PDE7B: variants seen among roughly 807,000 people sequenced by gnomAD.
PDE7B encodes the protein phosphodiesterase 7B.
Under a neutral mutation model 56.2 loss-of-function variants are expected in PDE7B, and 29 were observed. That is an observed-to-expected ratio of 0.52 (90% confidence interval 0.38 to 0.70). PDE7B has a LOEUF of 0.70. Among genes scored for constraint, PDE7B ranks in the 30% least tolerant of loss-of-function variants. The pLI is 0.00. For synonymous variants in PDE7B, 197 were observed against 196.9 expected (o/e 1.00, Z 0.00); for missense variants, 490 against 565.0 (o/e 0.87, Z 1.35).
Position 136,111,587 on chromosome 6 carries a change from G to A in PDE7B, c.166+2773G>A, listed in dbSNP as rs567092487. On this transcript the variant is annotated intron_variant, in intron 3 of 12. Coordinates refer to ENST00000308191, the MANE Select transcript of PDE7B (RefSeq NM_018945.4). ...TGTATGAACATCTGTGTTATGCACA[G>A]TCACATAAGGTATATATGGCATATC... 5.3e-5 allele frequency among the ~76,000 whole-genome samples: 8 copies of A among 152,308 alleles called. No homozygotes were observed. In the South Asian group the frequency reaches 1.7e-3, roughly 32 times the overall value.
chr6:136,139,570 G>A (rs1778280660), intron 3 of PDE7B, among the ~76,000 whole-genome samples: 1 of 152,126 alleles, frequency 6.6e-6, no homozygotes, highest in Non-Finnish European at 1.5e-5. Context: ...GGTTGAACTA[G>A]TTTACAGTCC....
intron 2 of PDE7B, among the ~76,000 whole-genome samples, chr6:135,961,369 T>C (rs1264985862): frequency 4.0e-5 from 6 of 148,624 alleles, no homozygotes; most frequent in Admixed American, 1.3e-4. Context: ...CAATTTATCC[T>C]CCTACCAGCT....
In PDE7B at chr6:136,026,086, G is replaced by A. The variant is rs553893822; in HGVS notation, c.82+78562G>A. On this transcript the variant is annotated intron_variant, in intron 2 of 12. Transcript: ENST00000308191. ...CCCAAGAATCGAGGTCAGAGACAGC[G>A]GAGTTGCTGCTGCAATTTTGTTTAC... Among the ~76,000 whole-genome samples the A allele has an allele frequency of 8.5e-5, 13 of 152,250 alleles. No homozygotes were observed. In the East Asian group the frequency reaches 2.3e-3, roughly 27 times the overall value.
intron 2 of PDE7B, among the ~76,000 whole-genome samples, chr6:135,970,057 G>C (rs113610138): frequency 0.014 from 2,148 of 152,114 alleles, 48 homozygotes; most frequent in African/African-American, 0.048. Flanking sequence ...TATTGTTTCT[G>C]TAAATATTTA....
At chr6:136,126,848 A>T (rs1778030690) in intron 3 of PDE7B, among the ~76,000 whole-genome samples, 1 of 152,144 alleles carries the variant, frequency 6.6e-6, no homozygotes, top group Admixed American at 6.5e-5. Flanking sequence ...AATTGAGTTC[A>T]ATGTATACTG....
rs201822681 is a variant in PDE7B at position 136,173,888 on chromosome 6, C to T, written c.803C>T (p.Thr268Ile). 240 of 1,601,666 alleles carry T rather than the reference C, an allele frequency of 1.5e-4. No homozygotes were observed. Among genetic ancestry groups the T allele is most frequent in the Non-Finnish European group, 2.0e-4 (229 of 1,168,994 alleles). ...CTTGCTCATTTGCCAAAGGAAATGA[C>T]GTAAGTGCTGCCGAGATGAAACATA... ...RLLAHLPKEMTQDIEQQLGSL... is the reference protein window; with the variant it reads ...RLLAHLPKEMIQDIEQQLGSL... Residue 268 changes from threonine (T) to isoleucine (I), a missense_variant and splice_region_variant, in exon 9 of 13, where the codon ACA becomes ATA. Thr to Ile is a moderately conservative substitution (Grantham distance 89). Transcript: ENST00000308191.
chr6:136,092,515 C>T (rs1777405404), intron 2 of PDE7B, among the ~76,000 whole-genome samples: 1 of 152,198 alleles, frequency 6.6e-6, no homozygotes, highest in Admixed American at 6.5e-5. Flanking sequence ...AATCCCAGCA[C>T]TTTGGGAAGC....
intron 11 of PDE7B, among the ~76,000 whole-genome samples, chr6:136,183,984 C>G (rs1464042576): frequency 6.6e-6 from 1 of 152,178 alleles, no homozygotes; most frequent in Non-Finnish European, 1.5e-5. Flanking sequence ...CCCGAAAAAA[C>G]CTTAAAAAAT....
intron 3 of PDE7B, among the ~76,000 whole-genome samples, chr6:136,136,571 G>T (rs1291116389): frequency 2.0e-5 from 3 of 151,932 alleles, no homozygotes; most frequent in African/African-American, 7.3e-5. Context: ...AGTATAACTG[G>T]ATTCTTTGTA....
chr6:136,177,116 G>GA lies in PDE7B; in HGVS notation c.804-1871dup, dbSNP rs945356544. Among the ~76,000 whole-genome samples the GA allele has an allele frequency of 4.6e-4, 67 of 146,014 alleles. 1 individual carries two copies. The highest frequency in any genetic ancestry group is 5.7e-4 in the African/African-American group (23 of 40,018). ...GAGTTGGGAAAAGTTTCTTAAAGAG[G>GA]AAAAAAAAAACTAGCCATAAATAAA... On this transcript the variant is annotated intron_variant, in intron 9 of 12. Coordinates refer to ENST00000308191, the MANE Select transcript of PDE7B (RefSeq NM_018945.4).
chr6:136,072,314 A>T (rs1777062659), intron 2 of PDE7B, among the ~76,000 whole-genome samples: 1 of 152,104 alleles, frequency 6.6e-6, no homozygotes, highest in South Asian at 2.1e-4. Flanking sequence ...ATGGTGGGAG[A>T]GGGGCACCTG....
intron 1 of PDE7B, among the ~76,000 whole-genome samples, chr6:135,904,357 T>C (rs528794007): frequency 4.3e-4 from 66 of 152,246 alleles, no homozygotes; most frequent in African/African-American, 1.3e-3. Context: ...ATTATACATA[T>C]GAAAAATGGG....
chr6:135,855,898 T>C (rs1775018499), intron 1 of PDE7B, among the ~76,000 whole-genome samples: 1 of 150,056 alleles, frequency 6.7e-6, no homozygotes, highest in African/African-American at 2.5e-5. Flanking sequence ...GCTCGGAACT[T>C]CAAGATTACT....
At chr6:135,933,625 G>C (rs1003736181) in intron 1 of PDE7B, among the ~76,000 whole-genome samples, 1 of 152,260 alleles carries the variant, frequency 6.6e-6, no homozygotes, top group South Asian at 2.1e-4. Context: ...AGAATACATA[G>C]AGATAACAGT....
At chr6:135,867,528 C>T (rs1775285271) in intron 1 of PDE7B, among the ~76,000 whole-genome samples, 1 of 151,900 alleles carries the variant, frequency 6.6e-6, no homozygotes, top group Admixed American at 6.6e-5. Context: ...ATTTCATCAC[C>T]CAAGTATTAA....
chr6:135,884,881 G>A (rs188816114), intron 1 of PDE7B, among the ~76,000 whole-genome samples: 3 of 152,106 alleles, frequency 2.0e-5, no homozygotes, highest in Admixed American at 2.0e-4. Flanking sequence ...GAGTTAGAAG[G>A]GACTATAGTG....
In PDE7B at chr6:136,151,185, C is replaced by G; in HGVS notation, c.408C>G (p.Cys136Trp). The G allele has an allele frequency of 6.2e-7, 1 of 1,608,848 alleles. No homozygotes were observed. Among genetic ancestry groups the G allele is most frequent in the South Asian group, 1.1e-5 (1 of 90,928 alleles). Residue 136 changes from cysteine to tryptophan, a missense_variant, in exon 6 of 13, where the codon TGC becomes TGG. Physicochemically the swap from Cys to Trp is radical, Grantham distance 215. Coordinates refer to ENST00000308191, the MANE Select transcript of PDE7B (RefSeq NM_018945.4). The stretch of plus-strand genomic sequence containing the variant: ...GAAACAGCCTGGTAACACTGTTGTG[C>G]CACCTCTTCAATACCCATGGACTCA... ...TNGNSLVTLL[C>W]HLFNTHGLIH... is the part of the protein sequence containing the mutation.
At chr6:135,888,393 T>C (rs977551123) in intron 1 of PDE7B, among the ~76,000 whole-genome samples, 1 of 152,144 alleles carries the variant, frequency 6.6e-6, no homozygotes, top group Non-Finnish European at 1.5e-5. Flanking sequence ...ATAATTATCT[T>C]TGGGACCTCA....
chr6:135,903,017 C>T (rs192037498), intron 1 of PDE7B, among the ~76,000 whole-genome samples: 2 of 152,268 alleles, frequency 1.3e-5, no homozygotes, highest in African/African-American at 4.8e-5. Context: ...GTTTCAGTAT[C>T]TGTATTCCTA....
Sources: gnomAD v4.1 joint callset for allele counts (sites outside exome capture counted in the v4.1 genomes callset) on GRCh38, gnomAD v4.1.1 for gene constraint, MANE v1.5 for transcripts, NCBI Gene and HGNC (gene_info 2026-07-23, HGNC 2026-07-21) for gene names.